CDC42SE2: variants seen among roughly 807,000 people sequenced by gnomAD.
CDC42SE2 encodes CDC42 small effector 2.
CDC42SE2 carries 3 observed loss-of-function variants against 11.5 expected under a neutral mutation model. The observed-to-expected ratio is 0.26, with a 90% CI of 0.12 to 0.67. The LOEUF is 0.67. Among genes scored for constraint, CDC42SE2 ranks in the 30% least tolerant of loss-of-function variants. The pLI, the probability that CDC42SE2 is intolerant of heterozygous loss-of-function variation, is 0.80. For synonymous variants in CDC42SE2, 33 were observed against 34.8 expected, an observed-to-expected ratio of 0.95 and a Z score of 0.18; for missense variants, 82 against 106.8, an observed-to-expected ratio of 0.77 and a Z score of 1.02.
At chr5:131,355,373 A>T (rs57700693) in intron 2 of CDC42SE2, among the ~76,000 whole-genome samples, 1 of 152,142 alleles carries the variant, frequency 6.6e-6, no homozygotes, top group East Asian at 1.9e-4. Flanking sequence ...GCTACTTCGG[A>T]GGCTGAGGTG....
chr5:131,315,983 C>G lies in CDC42SE2; in HGVS notation c.-447C>G, dbSNP rs1758032344. ...GCATGCTTTCATTTGCAGATAGGGC[C>G]AGATTTGAGTGTGTGAATTTTTGAG... On this transcript the variant is annotated 5_prime_UTR_variant, in exon 2 of 5. Coordinates refer to ENST00000505065, the MANE Select transcript of CDC42SE2 (RefSeq NM_001375635.1). The G allele has an allele frequency of 6.6e-6, 1 of 152,218 alleles. No individual in the cohort carries two copies. The highest frequency in any genetic ancestry group is 2.1e-4 in the South Asian group (1 of 4,834). 9.4% of individuals were successfully genotyped at this position (152,218 alleles called of 1,614,324 possible).
intron 3 of CDC42SE2, among the ~76,000 whole-genome samples, chr5:131,383,487 T>C (rs897446513): frequency 6.6e-6 from 1 of 152,156 alleles, no homozygotes; most frequent in Non-Finnish European, 1.5e-5. Context: ...TGTTATAGAC[T>C]TATAATTTAT....
intron 1 of CDC42SE2, among the ~76,000 whole-genome samples, chr5:131,299,456 G>A (rs1220590367): frequency 6.6e-6 from 1 of 152,188 alleles, no homozygotes; most frequent in African/African-American, 2.4e-5. Context: ...AAAGGCAAAA[G>A]TTAAGGATAA....
At chr5:131,294,907 C>G (rs1757534567) in intron 1 of CDC42SE2, among the ~76,000 whole-genome samples, 1 of 152,074 alleles carries the variant, frequency 6.6e-6, no homozygotes, top group South Asian at 2.1e-4. Flanking sequence ...GTGGGCGGGT[C>G]ATGAGGTCAG....
At chr5:131,354,655 A>C (rs1749476569) in intron 2 of CDC42SE2, 2 of 151,956 alleles carry the variant, frequency 1.3e-5, no homozygotes, top group South Asian at 4.1e-4. Flanking sequence ...TTCTAGATAG[A>C]TTTTAGGCTG....
At chr5:131,210,271 A>G in the CDC42SE2 span, among the ~76,000 whole-genome samples, 2 of 152,208 alleles carry the variant, frequency 1.3e-5, no homozygotes, top group East Asian at 3.8e-4. Flanking sequence ...TTATTTTAAC[A>G]TATTTGTCAA....
chr5:131,229,730 T>C, the CDC42SE2 span, among the ~76,000 whole-genome samples: 4 of 152,138 alleles, frequency 2.6e-5, no homozygotes, highest in Admixed American at 2.6e-4. Context: ...GCCCAGGAGT[T>C]TGAGACCAGC....
chr5:131,330,461 C>T (rs969179604), intron 2 of CDC42SE2, among the ~76,000 whole-genome samples: 6 of 152,066 alleles, frequency 3.9e-5, no homozygotes, highest in Non-Finnish European at 7.4e-5. Flanking sequence ...TTTTCCTTAT[C>T]CCTCCCATCT....
chr5:131,263,945 G>A (rs1342645635), upstream of CDC42SE2: 2 of 151,710 alleles, frequency 1.3e-5, no homozygotes, highest in Non-Finnish European at 3.0e-5. Flanking sequence ...CCAGCACTGC[G>A]GTCGCTGCAG....
chr5:131,387,475 T>C (rs916814023), intron 4 of CDC42SE2, among the ~76,000 whole-genome samples: 1 of 152,068 alleles, frequency 6.6e-6, no homozygotes, highest in African/African-American at 2.4e-5. Flanking sequence ...TGCTTGAACC[T>C]GGGAGGGGGG....
intron 1 of CDC42SE2, among the ~76,000 whole-genome samples, chr5:131,307,840 T>G (rs1164054056): frequency 6.6e-6 from 1 of 152,228 alleles, no homozygotes; most frequent in Non-Finnish European, 1.5e-5. Context: ...TTTTTTCATG[T>G]GTCTTTTGGC....
At chr5:131,308,581 G>A (rs2149721869) in intron 1 of CDC42SE2, among the ~76,000 whole-genome samples, 1 of 152,024 alleles carries the variant, frequency 6.6e-6, no homozygotes, top group African/African-American at 2.4e-5. Context: ...CCATGAGCAT[G>A]GAGTGTTCTT....
At position 131,393,787 on chromosome 5, in the gene CDC42SE2, C is replaced by T. The variant is rs1236974166; in HGVS notation, c.*2696C>T. ...GGGAAGCCGTGATCCTTTTCCCTGA[C>T]TCATGATTTTAGTCTTTTTCCAAAT... On this transcript the variant is annotated 3_prime_UTR_variant, in exon 5 of 5. Transcript: ENST00000505065. The T allele has an allele frequency of 6.7e-6, 1 of 150,226 alleles. No individual in the cohort carries two copies. Among genetic ancestry groups the T allele is most frequent in the Non-Finnish European group, 1.5e-5 (1 of 67,628 alleles). The allele number at this position is 150,226 out of a possible 1,614,324, so 9.3% of individuals were successfully genotyped here. A position where few individuals can be genotyped will look rare whatever the true frequency, so the allele number is the denominator to read the frequency against.
intron 1 of CDC42SE2, among the ~76,000 whole-genome samples, chr5:131,284,679 G>T (rs1040746019): frequency 6.6e-6 from 1 of 151,966 alleles, no homozygotes. Flanking sequence ...TTGCTCTGTT[G>T]CCCAGGTTGG....
At chr5:131,379,409 T>C (rs1353930671) in intron 3 of CDC42SE2, among the ~76,000 whole-genome samples, 1 of 152,198 alleles carries the variant, frequency 6.6e-6, no homozygotes, top group Non-Finnish European at 1.5e-5. Context: ...TAAGTGATGA[T>C]GTAATTACTG....
the CDC42SE2 span, among the ~76,000 whole-genome samples, chr5:131,211,522 G>T: frequency 3.9e-5 from 6 of 152,218 alleles, no homozygotes; most frequent in African/African-American, 1.2e-4. Context: ...CTTTCCTCAT[G>T]TGTCTTGTCA....
intron 3 of CDC42SE2, among the ~76,000 whole-genome samples, chr5:131,361,713 A>T (rs540025016): frequency 6.6e-6 from 1 of 152,180 alleles, no homozygotes; most frequent in East Asian, 1.9e-4. Flanking sequence ...TATTGAGTGG[A>T]AGTAGCTCTC....
At chr5:131,312,123 G>A (rs910170962) in intron 1 of CDC42SE2, among the ~76,000 whole-genome samples, 1 of 152,096 alleles carries the variant, frequency 6.6e-6, no homozygotes, top group Non-Finnish European at 1.5e-5. Flanking sequence ...TGGGTTTTTG[G>A]TGTGGATGTC....
intron 2 of CDC42SE2, among the ~76,000 whole-genome samples, chr5:131,347,637 C>T (rs1048980933): frequency 1.3e-5 from 2 of 152,014 alleles, no homozygotes; most frequent in African/African-American, 4.8e-5. Flanking sequence ...GAATCTTCCC[C>T]AATTCATTTT....
Sources: allele counts gnomAD v4.1 joint callset (sites outside exome capture counted in the v4.1 genomes callset), GRCh38; gene constraint gnomAD v4.1.1; transcripts MANE v1.5; gene names NCBI Gene and HGNC (gene_info 2026-07-23, HGNC 2026-07-21).